The following RTL4 variants were observed in gnomAD, a reference collection of about 807,000 sequenced individuals.
RTL4 encodes the protein retrotransposon Gag like 4, also known as retrotransposon Gag-like protein 4.
In RTL4, 4 loss-of-function variants were observed where a neutral mutation model predicts 5.3. That is an observed-to-expected ratio of 0.75 (90% confidence interval 0.37 to 1.72). The LOEUF (loss-of-function observed/expected upper bound fraction) is 1.72, where lower values mean the gene tolerates loss of function less well. RTL4 is among the 40% of genes most tolerant of loss of function. The pLI is 0.04. For synonymous variants in RTL4, 98 were observed against 87.3 expected (o/e 1.12, Z -0.68); for missense variants, 260 against 227.1 (o/e 1.14, Z -0.93).
At chrX:112,231,371 A>C in the RTL4 span, among the ~76,000 whole-genome samples, 5 of 110,524 alleles carry the variant, frequency 4.5e-5, no homozygotes, top group Admixed American at 4.8e-4. Flanking sequence ...GCACATATAC[A>C]ACATGGAATA....
At chrX:112,201,272 A>C in the RTL4 span, among the ~76,000 whole-genome samples, 1 of 111,673 alleles carries the variant, frequency 9.0e-6, no homozygotes. Flanking sequence ...CTCCATTGAC[A>C]CATGAGGATT....
the RTL4 span, among the ~76,000 whole-genome samples, chrX:112,365,493 G>A: frequency 1.8e-5 from 2 of 111,258 alleles, no homozygotes; most frequent in African/African-American, 6.5e-5. Flanking sequence ...AGTTATGTAA[G>A]GGTCATAGAC....
chrX:112,129,049 A>G, the RTL4 span, among the ~76,000 whole-genome samples: 10 of 111,951 alleles, frequency 8.9e-5, no homozygotes, highest in African/African-American at 3.2e-4. Context: ...CGTTTACCCA[A>G]AGAAGATGTA....
At chrX:112,334,973 A>G in the RTL4 span, among the ~76,000 whole-genome samples, 2 of 111,968 alleles carry the variant, frequency 1.8e-5, no homozygotes, top group African/African-American at 6.5e-5. Context: ...TACTATTTTT[A>G]TTAGATTTTA....
At chrX:112,351,990 T>G in the RTL4 span, among the ~76,000 whole-genome samples, 2 of 111,991 alleles carry the variant, frequency 1.8e-5, no homozygotes, top group Non-Finnish European at 3.8e-5. Flanking sequence ...TGGCATGTTT[T>G]TGCAGTGGCT....
the RTL4 span, among the ~76,000 whole-genome samples, chrX:112,383,345 C>T: frequency 1.3e-3 from 142 of 111,491 alleles, no homozygotes; most frequent in Middle Eastern, 4.7e-3. Flanking sequence ...ATAGGATGAA[C>T]TTTGTTTCCC....
the RTL4 span, among the ~76,000 whole-genome samples, chrX:112,414,235 A>C: frequency 1.8e-5 from 2 of 110,919 alleles, no homozygotes; most frequent in African/African-American, 6.5e-5. Context: ...ATTTTTGTGT[A>C]TTAAGAAAAG....
At chrX:112,176,279 C>A in the RTL4 span, among the ~76,000 whole-genome samples, 8 of 111,993 alleles carry the variant, frequency 7.1e-5, no homozygotes, top group South Asian at 3.0e-3. Flanking sequence ...GAATCAATAT[C>A]GTGAAAATGG....
chrX:112,238,558 T>A, the RTL4 span, among the ~76,000 whole-genome samples: 1 of 111,768 alleles, frequency 8.9e-6, no homozygotes, highest in Non-Finnish European at 1.9e-5. Flanking sequence ...GCAGTCCCAT[T>A]TCTCCCTCTT....
chrX:112,148,146 T>C, the RTL4 span, among the ~76,000 whole-genome samples: 2 of 110,387 alleles, frequency 1.8e-5, no homozygotes, highest in Non-Finnish European at 3.8e-5. Context: ...ATTTGACAGA[T>C]ATCACAGGAT....
chrX:112,203,452 G>T, the RTL4 span, among the ~76,000 whole-genome samples: 1 of 111,275 alleles, frequency 9.0e-6, no homozygotes, highest in African/African-American at 3.3e-5. Context: ...TTTAGGTCAG[G>T]ATTCATTTTT....
At chrX:112,280,816 A>G in the RTL4 span, among the ~76,000 whole-genome samples, 4 of 111,414 alleles carry the variant, frequency 3.6e-5, no homozygotes, top group Non-Finnish European at 7.5e-5. Context: ...GTTAACAAAA[A>G]ACTCAGAGTG....
the RTL4 span, among the ~76,000 whole-genome samples, chrX:112,314,243 G>A: frequency 2.6e-4 from 29 of 111,291 alleles, no homozygotes; most frequent in East Asian, 7.6e-3. Context: ...ACATCCCACC[G>A]GGGTTTTAAA....
chrX:112,436,910 G>C, the RTL4 span, among the ~76,000 whole-genome samples: 2 of 111,671 alleles, frequency 1.8e-5, no homozygotes, highest in African/African-American at 6.5e-5. Context: ...GATAGCCTGT[G>C]AAATGAGAAA....
chrX:112,253,798 T>A, the RTL4 span, among the ~76,000 whole-genome samples: 6 of 112,322 alleles, frequency 5.3e-5, no homozygotes, highest in African/African-American at 1.9e-4. Context: ...AGTCTTAGAA[T>A]TCTGCTAAGT....
chrX:112,273,224 A>C, the RTL4 span, among the ~76,000 whole-genome samples: 1 of 109,762 alleles, frequency 9.1e-6, no homozygotes, highest in East Asian at 2.8e-4. Flanking sequence ...CTATAGAATG[A>C]GGAGAAACAT....
the RTL4 span, among the ~76,000 whole-genome samples, chrX:112,292,498 CCT>C: frequency 9.0e-6 from 1 of 111,645 alleles, no homozygotes; most frequent in Non-Finnish European, 1.9e-5. Flanking sequence ...TCCCAGAACA[CCT>C]GATAAGCAAA....
At chrX:112,326,645 G>A in the RTL4 span, among the ~76,000 whole-genome samples, 14 of 112,004 alleles carry the variant, frequency 1.2e-4, no homozygotes, top group African/African-American at 4.5e-4. Context: ...GAACTGGGTG[G>A]AGCCCACCAC....
the RTL4 span, among the ~76,000 whole-genome samples, chrX:112,184,085 A>G: frequency 2.7e-5 from 3 of 109,488 alleles, no homozygotes; most frequent in East Asian, 8.7e-4. Context: ...CATCACTCTC[A>G]GCAAACTATT....
Sources: gnomAD v4.1 joint callset for allele counts (sites outside exome capture counted in the v4.1 genomes callset) on GRCh38, gnomAD v4.1.1 for gene constraint, MANE v1.5 for transcripts, NCBI Gene and HGNC (gene_info 2026-07-23, HGNC 2026-07-21) for gene names.